The following UCN3 variants were observed in gnomAD, a reference collection of about 807,000 sequenced individuals.
UCN3 encodes urocortin-3.
UCN3 carries 3 observed loss-of-function variants against 3.6 expected under a neutral mutation model. The ratio of observed to expected loss-of-function variants is 0.83; its 90% CI spans 0.38 to 2.15. UCN3 has a LOEUF of 2.15. Ranked by LOEUF, UCN3 falls within the 30% of genes most tolerant of loss-of-function variation. The pLI, the probability that UCN3 is intolerant of heterozygous loss-of-function variation, is 0.06. For missense variants in UCN3, 206 were observed against 208.3 expected (o/e 0.99, Z 0.07); for synonymous variants, 100 against 93.2 (o/e 1.07, Z -0.42).
rs1237734652 is a variant in UCN3, at chr10:5,366,682, C to G, written c.-7+1452C>G. 2.6e-5 allele frequency among the ~76,000 whole-genome samples: 4 copies of G among 152,158 alleles called. No individual in the cohort carries two copies. Among genetic ancestry groups the G allele is most frequent in the African/African-American group, 9.7e-5 (4 of 41,422 alleles). ...GAAACCATCCAGGGTTGCAAAGAAC[C>G]CTTACATTTTAAACGATCTAAAACT... On this transcript the variant is annotated intron_variant, in intron 1 of 1. Coordinates refer to ENST00000380433, the MANE Select transcript of UCN3 (RefSeq NM_053049.4). The surrounding 1 kb of genome is among the most constrained non-coding windows in gnomAD (Gnocchi z 4.2).
rs200245026 is a variant in UCN3 at position 5,371,267 on chromosome 10, G to A, written c.-6-2448G>A. On this transcript the variant is annotated intron_variant, in intron 1 of 1. Transcript: ENST00000380433. Reference sequence around the variant, plus strand: ...ATATGTATGTGTGAGGTGTGTGTGCGTGTATGTGCATGTATATATGTGTGT... The same window carrying A: ...ATATGTATGTGTGAGGTGTGTGTGCATGTATGTGCATGTATATATGTGTGT... Among the ~76,000 whole-genome samples the A allele has an allele frequency of 3.3e-3, 506 of 151,244 alleles. 9 individuals carry two copies. The highest frequency in any genetic ancestry group is 7.5e-3 in the East Asian group (39 of 5,168).
At chr10:5,370,533 GTA>G (rs1240719933) in intron 1 of UCN3, among the ~76,000 whole-genome samples, 1 of 97,320 alleles carries the variant, frequency 1.0e-5, no homozygotes, top group Non-Finnish European at 2.0e-5. Flanking sequence ...ATGTGTGTGT[GTA>G]TATGCGTGTA....
intron 1 of UCN3, among the ~76,000 whole-genome samples, chr10:5,369,807 A>C (rs73615946): frequency 0.08 from 11,451 of 143,872 alleles, 701 homozygotes; most frequent in East Asian, 0.17. Context: ...GTGGAGAACC[A>C]AGGGAAGGAA....
rs1261943075 is a variant in UCN3, at chr10:5,370,164, T to C, written c.-6-3551T>C. 3.6e-5 allele frequency among the ~76,000 whole-genome samples: 3 copies of C among 83,182 alleles called. 1 individual carries two copies. Among genetic ancestry groups the C allele is most frequent in the Non-Finnish European group, 6.8e-5 (3 of 44,222 alleles). 54.6% of individuals were successfully genotyped at this position (83,182 alleles called of 152,430 possible). A position where few individuals can be genotyped will look rare whatever the true frequency, so the allele number is the denominator to read the frequency against. On this transcript the variant is annotated intron_variant, in intron 1 of 1. Coordinates refer to ENST00000380433, the MANE Select transcript of UCN3 (RefSeq NM_053049.4). ...GTATGCGTGTGTATATGTGTGTGTA[T>C]ATGTGTGTGTATATGCGTGTGTATA...
At chr10:5,370,132 T>TATGC (rs1831340318) in intron 1 of UCN3, among the ~76,000 whole-genome samples, 3 of 73,864 alleles carry the variant, frequency 4.1e-5, no homozygotes, top group Non-Finnish European at 7.6e-5. Flanking sequence ...TGTGTGTGTA[T>TATGC]GTGTGTGTAT....
chr10:5,368,139 G>C (rs1452929966), intron 1 of UCN3, among the ~76,000 whole-genome samples: 5 of 152,142 alleles, frequency 3.3e-5, no homozygotes, highest in Admixed American at 6.5e-5. Flanking sequence ...GGGTAGCTGG[G>C]ATTACAGGCG....
At chr10:5,368,109 T>A (rs1834133231) in intron 1 of UCN3, among the ~76,000 whole-genome samples, 1 of 152,154 alleles carries the variant, frequency 6.6e-6, no homozygotes, top group African/African-American at 2.4e-5. Flanking sequence ...GCTCAAGCAA[T>A]TCTCCTGCCT....
At chr10:5,370,657 G>GTGTGTA in intron 1 of UCN3, among the ~76,000 whole-genome samples, 1 of 67,506 alleles carries the variant, frequency 1.5e-5, no homozygotes, top group African/African-American at 6.5e-5. Context: ...GTGTGTGTAT[G>GTGTGTA]TGTGTGTATG....
In UCN3 at chr10:5,374,233, G is replaced by C; in HGVS notation, c.*27G>C. 1 of 860,048 alleles carries C rather than the reference G, an allele frequency of 1.2e-6. No individual in the cohort carries two copies. The highest frequency in any genetic ancestry group is 1.8e-6 in the Non-Finnish European group (1 of 566,268). 53.3% of individuals were successfully genotyped at this position (860,048 alleles called of 1,614,324 possible). ...GGCGGAGGCTGGACGGGAGGGCAGC[G>C]GGGTGGGGAGGGGGAGGGGAGGGGG... On this transcript the variant is annotated 3_prime_UTR_variant, in exon 2 of 2. Transcript: ENST00000380433.
In UCN3 at chr10:5,366,026, G is replaced by A. The variant is rs1554810680; in HGVS notation, c.-7+796G>A. Among the ~76,000 whole-genome samples the A allele has an allele frequency of 2.0e-5, 3 of 152,196 alleles. No homozygotes were observed. Among genetic ancestry groups the A allele is most frequent in the African/African-American group, 2.4e-5 (1 of 41,444 alleles). On this transcript the variant is annotated intron_variant, in intron 1 of 1. Coordinates refer to ENST00000380433, the MANE Select transcript of UCN3 (RefSeq NM_053049.4). This position sits in a 1 kb window ranked among gnomAD's most constrained non-coding sequence, Gnocchi z 4.2. ...ATAACAAATGTGAGATTTTTAAAAC[G>A]TTTTAAGTGGTCTAGTTTCAGTTTA...
At chr10:5,370,892 T>C (rs1391383013) in intron 1 of UCN3, among the ~76,000 whole-genome samples, 3 of 145,328 alleles carry the variant, frequency 2.1e-5, no homozygotes, top group African/African-American at 8.1e-5. Flanking sequence ...TGCGTGTGTA[T>C]ATGCGTGTGT....
chr10:5,366,230 G>A lies in UCN3; in HGVS notation c.-7+1000G>A, dbSNP rs919085722. On this transcript the variant is annotated intron_variant, in intron 1 of 1. Transcript: ENST00000380433. The surrounding 1 kb of genome is among the most constrained non-coding windows in gnomAD (Gnocchi z 4.2). ...CCCTCACGTTTCAGTGCTTGGCTCT[G>A]CCACAGCTCCCAGAAGTAACTGTGT... is the stretch of plus-strand genomic sequence containing the variant. 2.6e-5 allele frequency among the ~76,000 whole-genome samples: 4 copies of A among 152,172 alleles called. No individual in the cohort carries two copies. Among genetic ancestry groups the A allele is most frequent in the Non-Finnish European group, 5.9e-5 (4 of 68,040 alleles).
rs1831474192 is a variant in UCN3 at position 5,374,268 on chromosome 10, C to CGAGGGGGGGAGGGGAGGGG, written c.*68_*86dup. On this transcript the variant is annotated 3_prime_UTR_variant, in exon 2 of 2. Coordinates refer to ENST00000380433, the MANE Select transcript of UCN3 (RefSeq NM_053049.4). ...GGGGGAGGGGAGGGGGAGGGGAGGG[C>CGAGGGGGGGAGGGGAGGGG]GAGGGGGGGAGGGGAGGGGGAGGGT... 1 of 12,680 alleles carries CGAGGGGGGGAGGGGAGGGG rather than the reference C, an allele frequency of 7.9e-5. No individual in the cohort carries two copies. The highest frequency in any genetic ancestry group is 5.5e-4 in the African/African-American group (1 of 1,818). 0.8% of individuals were successfully genotyped at this position (12,680 alleles called of 1,614,324 possible).
chr10:5,373,179 T>C (rs79203718), intron 1 of UCN3, among the ~76,000 whole-genome samples: 5,423 of 152,290 alleles, frequency 0.036, 144 homozygotes, highest in Middle Eastern at 0.088. Flanking sequence ...GAAACTAGGA[T>C]AGCCTAGCGA....
intron 1 of UCN3, among the ~76,000 whole-genome samples, chr10:5,370,865 GTGTA>G (rs1300976757): frequency 2.5e-5 from 3 of 121,970 alleles, no homozygotes; most frequent in Non-Finnish European, 5.3e-5. Flanking sequence ...GTGTGTGCGT[GTGTA>G]TGTGTGTGTA....
rs79393156 is a variant in UCN3 at position 5,367,710 on chromosome 10, C to T, written c.-7+2480C>T. Among the ~76,000 whole-genome samples the T allele has an allele frequency of 4.3e-3, 651 of 152,288 alleles. 5 individuals are homozygous for T. Among genetic ancestry groups the T allele is most frequent in the African/African-American group, 0.015 (620 of 41,540 alleles). On this transcript the variant is annotated intron_variant, in intron 1 of 1. Transcript: ENST00000380433. The surrounding 1 kb of genome is among the most constrained non-coding windows in gnomAD (Gnocchi z 4.3). ...GTTGATTTACACTAAAGGGCCAGTC[C>T]GTGTGAGCAGAGCCCCAAGATGGGC...
rs782455490 is a variant in UCN3 at position 5,370,504 on chromosome 10, CGT to C, written c.-6-3206_-6-3205del. The stretch of plus-strand genomic sequence containing the variant: ...ATATGTGTGTATGTGTGTGTATATG[CGT>C]GTGTATATGTGTGTGTATGTGTGTG... On this transcript the variant is annotated intron_variant, in intron 1 of 1. Coordinates refer to ENST00000380433, the MANE Select transcript of UCN3 (RefSeq NM_053049.4). 2.9e-4 allele frequency among the ~76,000 whole-genome samples: 6 copies of C among 20,536 alleles called. 1 individual carries two copies. Among genetic ancestry groups the C allele is most frequent in the Non-Finnish European group, 4.6e-4 (5 of 10,822 alleles). The allele number at this position is 20,536 out of a possible 152,430, so 13.5% of individuals were successfully genotyped here. A position where few individuals can be genotyped will look rare whatever the true frequency, so the allele number is the denominator to read the frequency against.
chr10:5,374,043 GC>G lies in UCN3; in HGVS notation c.325del (p.Gln109ArgfsTer23). 6.2e-7 allele frequency: 1 copy of G among 1,612,804 alleles called. No homozygotes were observed. The highest frequency in any genetic ancestry group is 1.3e-5 in the African/African-American group (1 of 74,894). The stretch of plus-strand genomic sequence containing the variant: ...CAAGCACAGCCCAGGGGAAAGCCAC[GC>G]CAGGACACGGCCAAGAGTCCCCACC... ...VSQAQPRGKPRQDTAKSPHRT... is the reference protein window; with the variant it reads ...VSQAQPRGKPXQDTAKSPHRT... On this transcript the variant is annotated frameshift_variant, in exon 2 of 2. Coordinates refer to ENST00000380433, the MANE Select transcript of UCN3 (RefSeq NM_053049.4). LOFTEE classifies it high-confidence loss of function.
At chr10:5,370,278 TGTATATGC>T (rs1831352537) in intron 1 of UCN3, among the ~76,000 whole-genome samples, 1 of 112,718 alleles carries the variant, frequency 8.9e-6, no homozygotes, top group Non-Finnish European at 1.8e-5. Flanking sequence ...TATATGCGTG[TGTATATGC>T]GTGTGTGTAT....
Sources: gnomAD v4.1 joint callset for allele counts (sites outside exome capture counted in the v4.1 genomes callset) on GRCh38, gnomAD v4.1.1 for gene constraint, Gnocchi (gnomAD v3.1) non-coding constraint, MANE v1.5 for transcripts, NCBI Gene and HGNC (gene_info 2026-07-23, HGNC 2026-07-21) for gene names.